PRICKLE2: variants seen among roughly 807,000 people sequenced by gnomAD.
The protein encoded by PRICKLE2 is prickle planar cell polarity protein 2, also known as prickle-like protein 2.
Under a neutral mutation model 81.4 loss-of-function variants are expected in PRICKLE2, and 21 were observed. The ratio of observed to expected loss-of-function variants is 0.26; its 90% CI spans 0.18 to 0.37. The LOEUF is 0.37. PRICKLE2 is among the 10% of genes least tolerant of loss of function. The pLI is 1.00. For missense variants in PRICKLE2, 940 were observed against 1,109.0 expected, an observed-to-expected ratio of 0.85 and a Z score of 2.16; for synonymous variants, 456 against 421.5, an observed-to-expected ratio of 1.08 and a Z score of -1.00.
chr3:64,227,132 GT>G (rs2079043107), upstream of PRICKLE2, among the ~76,000 whole-genome samples: 1 of 152,194 alleles, frequency 6.6e-6, no homozygotes, highest in Non-Finnish European at 1.5e-5. Flanking sequence ...CTTCTCTCTA[GT>G]TCCCAGAAGA....
chr3:64,132,713 G>T (rs1009841635), intron 7 of PRICKLE2, among the ~76,000 whole-genome samples: 3 of 152,170 alleles, frequency 2.0e-5, no homozygotes, highest in Admixed American at 6.5e-5. Context: ...CTGGTATAGA[G>T]AATAGATAAA....
chr3:64,216,222 A>T (rs1247301444), intron 1 of PRICKLE2, among the ~76,000 whole-genome samples: 1 of 152,242 alleles, frequency 6.6e-6, no homozygotes, highest in Non-Finnish European at 1.5e-5. Flanking sequence ...CAGCCAACTT[A>T]GCAGTTTTAA....
rs2076802113 is a variant in PRICKLE2 at position 64,109,104 on chromosome 3, G to C, written c.1661-9179C>G. Among the ~76,000 whole-genome samples, 3 of 152,046 alleles carry C rather than the reference G, an allele frequency of 2.0e-5. No homozygotes were observed. The South Asian group carries it at 6.2e-4, about 32-fold the overall frequency. The stretch of plus-strand genomic sequence containing the variant: ...TCTGTTCCTGTCCACCCAGTTGTTG[G>C]AGTGAGTTAAACCTGCTCTACCCCA... On this transcript the variant is annotated intron_variant, in intron 7 of 7. Transcript: ENST00000638394.
intron 1 of PRICKLE2, among the ~76,000 whole-genome samples, chr3:64,219,399 G>T (rs1055299715): frequency 1.3e-5 from 2 of 152,116 alleles, no homozygotes; most frequent in Admixed American, 1.3e-4. Flanking sequence ...CCCTCTCTCC[G>T]AACTCCCATC....
intron 1 of PRICKLE2, among the ~76,000 whole-genome samples, chr3:64,219,310 G>T (rs1195677059): frequency 6.6e-6 from 1 of 152,158 alleles, no homozygotes; most frequent in Non-Finnish European, 1.5e-5. Context: ...AAGAACTGAG[G>T]CTCAGAAAAC....
At chr3:64,123,071 G>C (rs948838762) in intron 7 of PRICKLE2, among the ~76,000 whole-genome samples, 20 of 152,158 alleles carry the variant, frequency 1.3e-4, no homozygotes, top group African/African-American at 4.6e-4. Context: ...CAAGCACCCA[G>C]CTCAGAGCTC....
At chr3:64,242,884 C>T (rs140744540) in intron 2 of PRICKLE2, among the ~76,000 whole-genome samples, 1 of 152,354 alleles carries the variant, frequency 6.6e-6, no homozygotes, top group Non-Finnish European at 1.5e-5. Flanking sequence ...AAGAGAAGCA[C>T]TGCTGAAAGA....
chr3:64,225,520 C>T, upstream of PRICKLE2: 1 of 887,886 alleles, frequency 1.1e-6, no homozygotes, highest in Non-Finnish European at 1.3e-6. Flanking sequence ...TCAGTCACGG[C>T]ATCTGGACGT....
At chr3:64,255,740 C>G (rs1237730388) in intron 2 of PRICKLE2, among the ~76,000 whole-genome samples, 1 of 152,222 alleles carries the variant, frequency 6.6e-6, no homozygotes, top group Non-Finnish European at 1.5e-5. Flanking sequence ...ACACTCACAA[C>G]TTGAGTAAAC....
At chr3:64,117,328 T>C (rs778836648) in intron 7 of PRICKLE2, among the ~76,000 whole-genome samples, 3 of 152,076 alleles carry the variant, frequency 2.0e-5, no homozygotes, top group South Asian at 2.1e-4. Context: ...CTATTCAACA[T>C]AGTATTAGGA....
At chr3:64,156,523 T>A (rs920970654) in intron 5 of PRICKLE2, among the ~76,000 whole-genome samples, 2 of 152,206 alleles carry the variant, frequency 1.3e-5, no homozygotes, top group African/African-American at 4.8e-5. Context: ...GGTTTTCTAT[T>A]CTGTCAGCTT....
Position 64,163,444 on chromosome 3 carries a change from C to T in PRICKLE2, c.145-315G>A, listed in dbSNP as rs2077767457. On this transcript the variant is annotated intron_variant, in intron 2 of 7. Coordinates refer to ENST00000638394, the MANE Select transcript of PRICKLE2 (RefSeq NM_198859.4). ...CAGAGGGTAGGGCTTTCTCGGCAGA[C>T]TCCCCTGAGAGCTGGCTTTACCATT... is the stretch of plus-strand genomic sequence containing the variant. The T allele has an allele frequency of 3.7e-5, 16 of 433,884 alleles. 1 individual carries two copies. The highest frequency in any genetic ancestry group is 3.3e-4 in the South Asian group (15 of 45,940). 26.9% of individuals were successfully genotyped at this position (433,884 alleles called of 1,614,324 possible).
chr3:64,191,537 C>T (rs1189684540), intron 2 of PRICKLE2, among the ~76,000 whole-genome samples: 2 of 152,212 alleles, frequency 1.3e-5, no homozygotes, highest in Non-Finnish European at 2.9e-5. Flanking sequence ...TTTAACTCCT[C>T]TGAGCCTTGC....
chr3:64,242,818 G>C (rs572125031), intron 2 of PRICKLE2, among the ~76,000 whole-genome samples: 16 of 152,378 alleles, frequency 1.1e-4, no homozygotes, highest in African/African-American at 3.6e-4. Context: ...GGGGCCAAGA[G>C]TGTACCTGGT....
At chr3:64,250,986 T>C (rs2079439490) in intron 2 of PRICKLE2, among the ~76,000 whole-genome samples, 1 of 152,232 alleles carries the variant, frequency 6.6e-6, no homozygotes. Flanking sequence ...AGTCACCATC[T>C]GACATGCTAT....
chr3:64,186,866 A>T (rs1360791758), intron 2 of PRICKLE2, among the ~76,000 whole-genome samples: 1 of 152,166 alleles, frequency 6.6e-6, no homozygotes, highest in Non-Finnish European at 1.5e-5. Context: ...TTGATACTAC[A>T]TTAACTCTCA....
intron 7 of PRICKLE2, among the ~76,000 whole-genome samples, chr3:64,107,013 G>T (rs1371587693): frequency 6.6e-6 from 1 of 152,162 alleles, no homozygotes. Context: ...AATAATGCAG[G>T]CTTTATGAGA....
intron 1 of PRICKLE2, among the ~76,000 whole-genome samples, chr3:64,213,356 G>A (rs975628424): frequency 2.0e-5 from 3 of 152,140 alleles, no homozygotes; most frequent in Non-Finnish European, 2.9e-5. Flanking sequence ...TGGGATTAAA[G>A]GGGTGAGCCA....
In PRICKLE2 at chr3:64,093,659, G is replaced by A. The variant is rs1268270991; in HGVS notation, c.*5392C>T. On this transcript the variant is annotated 3_prime_UTR_variant, in exon 8 of 8. Coordinates refer to ENST00000638394, the MANE Select transcript of PRICKLE2 (RefSeq NM_198859.4). ...TTGCTAAACATCCTACAATGCACAG[G>A]ACAGCCCTCTGCAACCGAGAATTAA... 2 of 152,070 alleles carry A rather than the reference G, an allele frequency of 1.3e-5. No homozygotes were observed. The highest frequency in any genetic ancestry group is 4.8e-5 in the African/African-American group (2 of 41,376). The allele number at this position is 152,070 out of a possible 1,614,324, so 9.4% of individuals were successfully genotyped here.
Sources: allele counts gnomAD v4.1 joint callset (sites outside exome capture counted in the v4.1 genomes callset), GRCh38; gene constraint gnomAD v4.1.1; transcripts MANE v1.5; gene names NCBI Gene and HGNC (gene_info 2026-07-23, HGNC 2026-07-21).